INSYN2B: variants seen among roughly 807,000 people sequenced by gnomAD.
The protein encoded by INSYN2B is inhibitory synaptic factor family member 2B.
A neutral mutation model predicts 41.2 loss-of-function variants in INSYN2B; 16 were observed. The ratio of observed to expected loss-of-function variants is 0.39; its 90% CI spans 0.26 to 0.59. INSYN2B has a LOEUF of 0.59. Among genes scored for constraint, INSYN2B ranks in the 20% least tolerant of loss-of-function variants. The pLI is 0.57. For missense variants in INSYN2B, 608 were observed against 646.4 expected (o/e 0.94, Z 0.64); for synonymous variants, 245 against 244.4 (o/e 1.00, Z -0.02).
intron 1 of INSYN2B, among the ~76,000 whole-genome samples, chr5:169,960,585 AAT>A: frequency 6.6e-6 from 1 of 152,332 alleles, no homozygotes; most frequent in African/African-American, 2.4e-5. Context: ...TATCACTTAA[AAT>A]GACCAATAAT....
At chr5:169,966,107 T>C (rs1777288005) in intron 1 of INSYN2B, among the ~76,000 whole-genome samples, 1 of 152,242 alleles carries the variant, frequency 6.6e-6, no homozygotes, top group South Asian at 2.1e-4. Flanking sequence ...GAACATACTT[T>C]GAAGTTGTAA....
intron 3 of INSYN2B, among the ~76,000 whole-genome samples, chr5:169,865,635 C>T (rs1408878111): frequency 1.3e-5 from 2 of 152,182 alleles, no homozygotes; most frequent in African/African-American, 4.8e-5. Flanking sequence ...TGTTTGTTAC[C>T]TGGTTTCATA....
chr5:169,921,899 A>C (rs141224747), intron 1 of INSYN2B, among the ~76,000 whole-genome samples: 407 of 152,354 alleles, frequency 2.7e-3, no homozygotes, highest in South Asian at 8.3e-3. Flanking sequence ...TAATACTGTG[A>C]TAGCCCCTTG....
At chr5:169,940,334 T>C (rs2113703850) in intron 1 of INSYN2B, among the ~76,000 whole-genome samples, 2 of 152,298 alleles carry the variant, frequency 1.3e-5, no homozygotes, top group Middle Eastern at 6.8e-3. Context: ...CATTTTTGTT[T>C]TTCACACCTT....
At chr5:169,904,162 T>G (rs1324288090) in intron 1 of INSYN2B, among the ~76,000 whole-genome samples, 1 of 151,922 alleles carries the variant, frequency 6.6e-6, no homozygotes, top group Non-Finnish European at 1.5e-5. Flanking sequence ...CTAGATCCTT[T>G]GTACTTTCTT....
chr5:169,972,589 TA>T lies in INSYN2B; in HGVS notation c.-919+7687del, dbSNP rs1192455044. Among the ~76,000 whole-genome samples the T allele has an allele frequency of 5.7e-3, 647 of 113,300 alleles. 4 individuals are homozygous for T. Among genetic ancestry groups the T allele is most frequent in the Middle Eastern group, 0.021 (5 of 236 alleles). 74.3% of individuals were successfully genotyped at this position (113,300 alleles called of 152,430 possible). On this transcript the variant is annotated intron_variant, in intron 1 of 3. Transcript: ENST00000377365. ...GATAGATAGATAGATAGATAGATGA[TA>T]GATAGATAGATAGATAGATAGATAG...
At chr5:169,917,113 C>T (rs941837507) in intron 1 of INSYN2B, among the ~76,000 whole-genome samples, 3 of 152,330 alleles carry the variant, frequency 2.0e-5, no homozygotes, top group Middle Eastern at 3.4e-3. Flanking sequence ...CACCAAATCT[C>T]AGCATTTCTT....
At chr5:169,943,223 A>C (rs2113709393) in intron 1 of INSYN2B, among the ~76,000 whole-genome samples, 1 of 152,232 alleles carries the variant, frequency 6.6e-6, no homozygotes, top group East Asian at 1.9e-4. Context: ...GAATTGGATG[A>C]ATAGGTTTTA....
chr5:169,925,495 G>A (rs921753544), intron 1 of INSYN2B, among the ~76,000 whole-genome samples: 7 of 147,612 alleles, frequency 4.7e-5, no homozygotes, highest in East Asian at 4.1e-4. Context: ...CAGAAGAATC[G>A]CTTGAACCCA....
rs1054295620 is a variant in INSYN2B at position 169,863,244 on chromosome 5, G to T, written c.*1029C>A. Among the ~76,000 whole-genome samples the T allele has an allele frequency of 6.6e-6, 1 of 152,110 alleles. No individual in the cohort carries two copies. The highest frequency in any genetic ancestry group is 6.5e-5 in the Admixed American group (1 of 15,278). The stretch of plus-strand genomic sequence containing the variant: ...ATAGTCCTGCTAGTTTTTCAATCAG[G>T]TGACCATTGTCTGGTCACCAGGAAG... On this transcript the variant is annotated 3_prime_UTR_variant, in exon 4 of 4. Transcript: ENST00000377365.
chr5:169,867,707 C>T (rs1248985205), intron 3 of INSYN2B, among the ~76,000 whole-genome samples: 7 of 152,232 alleles, frequency 4.6e-5, no homozygotes, highest in Admixed American at 4.6e-4. Flanking sequence ...AGATCGCACA[C>T]ATACACACAT....
At chr5:169,915,468 A>C (rs1774821812) in intron 1 of INSYN2B, among the ~76,000 whole-genome samples, 1 of 151,976 alleles carries the variant, frequency 6.6e-6, no homozygotes, top group African/African-American at 2.4e-5. Flanking sequence ...TCATGTAACT[A>C]ATATATTGAA....
At chr5:169,908,713 C>CTTTTTTTTT (rs34261104) in intron 1 of INSYN2B, among the ~76,000 whole-genome samples, 6 of 105,068 alleles carry the variant, frequency 5.7e-5, no homozygotes, top group Non-Finnish European at 9.3e-5. Context: ...TTTCTTTTTT[C>CTTTTTTTTT]TTTTTTTTTT....
At position 169,921,769 on chromosome 5, in the gene INSYN2B, C is replaced by T. The variant is rs540335614; in HGVS notation, c.-918-36953G>A. Among the ~76,000 whole-genome samples the T allele has an allele frequency of 5.3e-5, 8 of 152,300 alleles. No homozygotes were observed. The East Asian group carries it at 1.5e-3, about 29-fold the overall frequency. ...GAGGATTAGGGCCCACTGATAAGAA[C>T]AGGCTGTAAGCAGTGTTGTGACAGT... On this transcript the variant is annotated intron_variant, in intron 1 of 3. Transcript: ENST00000377365.
At chr5:169,882,080 A>G (rs1484571076) in intron 2 of INSYN2B, among the ~76,000 whole-genome samples, 1 of 152,196 alleles carries the variant, frequency 6.6e-6, no homozygotes, top group Non-Finnish European at 1.5e-5. Context: ...CCAGCCCGTC[A>G]TCAAAGTAGT....
chr5:169,892,750 G>A (rs1167462821), intron 1 of INSYN2B, among the ~76,000 whole-genome samples: 1 of 152,100 alleles, frequency 6.6e-6, no homozygotes, highest in Non-Finnish European at 1.5e-5. Flanking sequence ...TGTTTCAGGT[G>A]TGCAAGACAG....
chr5:169,905,014 T>C (rs1403160727), intron 1 of INSYN2B, among the ~76,000 whole-genome samples: 1 of 152,120 alleles, frequency 6.6e-6, no homozygotes, highest in Non-Finnish European at 1.5e-5. Context: ...CAGTCACTCA[T>C]ATGAAAATGA....
intron 1 of INSYN2B, among the ~76,000 whole-genome samples, chr5:169,958,062 C>T (rs1459437902): frequency 4.6e-5 from 7 of 152,132 alleles, no homozygotes; most frequent in South Asian, 2.1e-4. Flanking sequence ...CCAGGGGATA[C>T]GTTCCCTGTG....
At chr5:169,947,844 C>CATA (rs1776507168) in intron 1 of INSYN2B, among the ~76,000 whole-genome samples, 6 of 151,456 alleles carry the variant, frequency 4.0e-5, no homozygotes, top group Admixed American at 2.0e-4. Flanking sequence ...AGCATAAATA[C>CATA]CTACAGCATA....
Sources: gnomAD v4.1 joint callset for allele counts (sites outside exome capture counted in the v4.1 genomes callset) on GRCh38, gnomAD v4.1.1 for gene constraint, MANE v1.5 for transcripts, NCBI Gene and HGNC (gene_info 2026-07-23, HGNC 2026-07-21) for gene names.